Variants in SATL1 observed in about 807,000 individuals in gnomAD.
SATL1 encodes the protein spermidine/spermine N(1)-acetyltransferase-like protein 1.
Under a neutral mutation model 51.8 loss-of-function variants are expected in SATL1, and 47 were observed. That is an observed-to-expected ratio of 0.91 (90% CI 0.72 to 1.16). The LOEUF is 1.16. Among genes scored for constraint, SATL1 ranks in the 50% most tolerant of loss-of-function variants. SATL1 has a pLI of 0.00. For synonymous variants in SATL1, 176 were observed against 182.4 expected, an observed-to-expected ratio of 0.97 and a Z score of 0.28; for missense variants, 520 against 526.4, an observed-to-expected ratio of 0.99 and a Z score of 0.12.
chrX:85,137,263 A>G (rs765932838), intron 2 of SATL1, among the ~76,000 whole-genome samples: 22 of 111,396 alleles, frequency 2.0e-4, no homozygotes, highest in African/African-American at 6.5e-4. Context: ...CCCCAATTTT[A>G]CCCCATGAAA....
intron 2 of SATL1, among the ~76,000 whole-genome samples, chrX:85,214,732 C>A (rs1231227850): frequency 9.0e-6 from 1 of 111,540 alleles, no homozygotes; most frequent in African/African-American, 3.3e-5. Context: ...AGTAAATATT[C>A]CCATTCCAAA....
intron 2 of SATL1, among the ~76,000 whole-genome samples, chrX:85,119,791 G>T (rs1925466257): frequency 9.0e-6 from 1 of 111,181 alleles, no homozygotes; most frequent in Non-Finnish European, 1.9e-5. Flanking sequence ...GAGGAAATTG[G>T]TGGAGAAAAA....
chrX:85,227,700 T>C (rs1212332088), intron 1 of SATL1, among the ~76,000 whole-genome samples: 1 of 111,353 alleles, frequency 9.0e-6, no homozygotes, highest in Non-Finnish European at 1.9e-5. Flanking sequence ...ATAAACTGGG[T>C]AATGTAGATG....
chrX:85,231,747 A>T (rs963692065), intron 1 of SATL1, among the ~76,000 whole-genome samples: 6 of 112,020 alleles, frequency 5.4e-5, no homozygotes, highest in African/African-American at 2.0e-4. Flanking sequence ...TATTTAGACC[A>T]GCTCTAGCCA....
intron 2 of SATL1, among the ~76,000 whole-genome samples, chrX:85,170,026 C>A (rs755430233): frequency 1.1e-4 from 12 of 110,748 alleles, no homozygotes; most frequent in South Asian, 7.6e-4. Context: ...ACAACAACAA[C>A]AAAAAAACAA....
At chrX:85,133,511 G>A (rs762666476) in intron 2 of SATL1, among the ~76,000 whole-genome samples, 8 of 112,278 alleles carry the variant, frequency 7.1e-5, no homozygotes, top group Non-Finnish European at 1.3e-4. Flanking sequence ...TTGGAAAAGC[G>A]CAGTGTTTAG....
At chrX:85,177,493 G>A (rs947572760) in intron 2 of SATL1, among the ~76,000 whole-genome samples, 5 of 111,050 alleles carry the variant, frequency 4.5e-5, no homozygotes, top group African/African-American at 1.6e-4. Flanking sequence ...CTTGATATTC[G>A]GGATATGACA....
At chrX:85,236,237 C>T (rs766338430) in intron 1 of SATL1, among the ~76,000 whole-genome samples, 2 of 111,140 alleles carry the variant, frequency 1.8e-5, no homozygotes, top group South Asian at 7.5e-4. Flanking sequence ...GGCTTCACTG[C>T]TGAACTTTAC....
intron 1 of SATL1, among the ~76,000 whole-genome samples, chrX:85,239,077 G>GGTTGA: frequency 9.2e-6 from 1 of 109,237 alleles, no homozygotes; most frequent in African/African-American, 3.3e-5. Context: ...TTGTTGAAAG[G>GGTTGA]GTTGATCTCA....
intron 2 of SATL1, among the ~76,000 whole-genome samples, chrX:85,126,894 T>C (rs1925642985): frequency 9.4e-6 from 1 of 106,850 alleles, no homozygotes; most frequent in South Asian, 4.2e-4. Context: ...TATACCATTA[T>C]AGGAAATGTA....
chrX:85,189,515 T>G (rs1927389431), intron 2 of SATL1, among the ~76,000 whole-genome samples: 1 of 112,162 alleles, frequency 8.9e-6, no homozygotes, highest in Non-Finnish European at 1.9e-5. Flanking sequence ...CGTAATCACA[T>G]AAGATTTCCT....
chrX:85,161,262 A>G (rs923754280), intron 2 of SATL1, among the ~76,000 whole-genome samples: 1 of 111,211 alleles, frequency 9.0e-6, no homozygotes, highest in Non-Finnish European at 1.9e-5. Context: ...AGTCTGCATA[A>G]TAACATCTAA....
At chrX:85,227,052 C>T (rs1354156964) in intron 1 of SATL1, among the ~76,000 whole-genome samples, 2 of 111,221 alleles carry the variant, frequency 1.8e-5, no homozygotes, top group Non-Finnish European at 3.8e-5. Context: ...AAAGCCAGTC[C>T]TTTCCCTACT....
intron 2 of SATL1, chrX:85,143,426 G>A (rs1416917825): frequency 9.0e-6 from 1 of 111,496 alleles, no homozygotes; most frequent in African/African-American, 3.3e-5. Context: ...TTACTCTCAT[G>A]ATGGTGGATC....
At chrX:85,164,990 T>C (rs138357915) in intron 2 of SATL1, among the ~76,000 whole-genome samples, 12,053 of 110,593 alleles carry the variant, frequency 0.11, 569 homozygotes, top group South Asian at 0.17. Context: ...TCCCAAAGTG[T>C]TGGGATTGAA....
intron 2 of SATL1, among the ~76,000 whole-genome samples, chrX:85,184,013 G>T (rs920656375): frequency 5.4e-5 from 6 of 111,264 alleles, no homozygotes; most frequent in African/African-American, 2.0e-4. Flanking sequence ...TTAATTTTTA[G>T]CTTTCACAAA....
rs1014394296 is a variant in SATL1 at position 85,135,682 on chromosome X, C to T, written c.-312-26402G>A. Among the ~76,000 whole-genome samples the T allele has an allele frequency of 1.0e-4, 11 of 106,929 alleles. No homozygotes were observed. The Admixed American group carries it at 1.1e-3, about 11-fold the overall frequency. 92.9% of individuals were successfully genotyped at this position (106,929 alleles called of 115,157 possible). ...GACCTCCCAGACTCAAGCGATCCTC[C>T]CCCCTCAACCCCCGCACCTGAAGTA... On this transcript the variant is annotated intron_variant, in intron 2 of 7. Coordinates refer to ENST00000644105, the MANE Select transcript of SATL1 (RefSeq NM_001367857.2).
At position 85,109,020 on chromosome X, in the gene SATL1, T is replaced by G; in HGVS notation, c.-52A>C. On this transcript the variant is annotated 5_prime_UTR_variant, in exon 3 of 8. Transcript: ENST00000644105. Reference sequence around the variant, plus strand: ...TAAGGATGGGGTGGCAGATGATGGGTTGGCAGACAACTGATTGGCTGATGG... The same window carrying G: ...TAAGGATGGGGTGGCAGATGATGGGGTGGCAGACAACTGATTGGCTGATGG... 1 of 1,085,283 alleles carries G rather than the reference T, an allele frequency of 9.2e-7. No homozygotes were observed. The highest frequency in any genetic ancestry group is 2.1e-5 in the South Asian group (1 of 47,978). The allele number at this position is 1,085,283 out of a possible 1,213,427, so 89.4% of individuals were successfully genotyped here. A position where few individuals can be genotyped will look rare whatever the true frequency, so the allele number is the denominator to read the frequency against.
intron 2 of SATL1, chrX:85,118,255 A>C (rs1925429666): frequency 9.2e-6 from 1 of 108,427 alleles, no homozygotes; most frequent in Admixed American, 1.0e-4. Context: ...AGATGTCAAT[A>C]TTCAGTTTTA....
Sources: gnomAD v4.1 joint callset for allele counts (sites outside exome capture counted in the v4.1 genomes callset) on GRCh38, gnomAD v4.1.1 for gene constraint, MANE v1.5 for transcripts, NCBI Gene and HGNC (gene_info 2026-07-23, HGNC 2026-07-21) for gene names.